The following DIP2B variants were observed in gnomAD, a reference collection of about 807,000 sequenced individuals.
DIP2B encodes disco-interacting protein 2 homolog B.
Under a neutral mutation model 198.0 loss-of-function variants are expected in DIP2B, and 76 were observed. The ratio of observed to expected loss-of-function variants is 0.38; its 90% CI spans 0.32 to 0.46. The LOEUF is 0.46. Ranked by LOEUF, DIP2B falls within the 20% of genes least tolerant of loss-of-function variation. The probability of loss-of-function intolerance (pLI) is 0.99; values close to 1 mark genes in which losing one functional copy is unlikely to be tolerated. For missense variants in DIP2B, 1,559 were observed against 1,978.4 expected (o/e 0.79, Z 4.02); for synonymous variants, 701 against 739.1 (o/e 0.95, Z 0.84).
At chr12:50,561,441 T>C (rs1331110830) in intron 1 of DIP2B, among the ~76,000 whole-genome samples, 1 of 152,112 alleles carries the variant, frequency 6.6e-6, no homozygotes, top group East Asian at 1.9e-4. Flanking sequence ...TTTTTTTTTT[T>C]AAGTGAGAGC....
chr12:50,728,719 A>G (rs778674741), intron 30 of DIP2B, 41 bp downstream of exon 30: 3 of 1,599,590 alleles, frequency 1.9e-6, no homozygotes, highest in Admixed American at 3.4e-5. Context: ...GTGTGGGGGT[A>G]TACTTTGTGG....
At chr12:50,560,925 AG>A (rs1958514822) in intron 1 of DIP2B, among the ~76,000 whole-genome samples, 1 of 152,360 alleles carries the variant, frequency 6.6e-6, no homozygotes, top group East Asian at 1.9e-4. Flanking sequence ...AACATGTTAA[AG>A]GCTTAGAGAA....
chr12:50,535,368 A>AT (rs35491499), intron 1 of DIP2B, among the ~76,000 whole-genome samples: 295 of 141,830 alleles, frequency 2.1e-3, no homozygotes, highest in African/African-American at 2.4e-3. Context: ...GAATCAGGAA[A>AT]TTTTTTTTTT....
Position 50,745,068 on chromosome 12 carries a change from G to A in DIP2B, c.*229G>A, listed in dbSNP as rs2139614034. ...AGACATGTGCTTTGACATAGCGTGA[G>A]CAGCACATTACTAAAGCAATTACAT... On this transcript the variant is annotated 3_prime_UTR_variant, in exon 38 of 38. Transcript: ENST00000301180. 3 of 566,200 alleles carry A rather than the reference G, an allele frequency of 5.3e-6. No homozygotes were observed. Among genetic ancestry groups the A allele is most frequent in the Non-Finnish European group, 9.2e-6 (3 of 325,026 alleles). 35.1% of individuals were successfully genotyped at this position (566,200 alleles called of 1,614,324 possible). A position where few individuals can be genotyped will look rare whatever the true frequency, so the allele number is the denominator to read the frequency against.
intron 12 of DIP2B, among the ~76,000 whole-genome samples, chr12:50,690,587 T>G (rs1189233226): frequency 1.3e-5 from 2 of 152,178 alleles, no homozygotes; most frequent in African/African-American, 2.4e-5. Flanking sequence ...ACATTAAGGG[T>G]AAAAGCAAAA....
At chr12:50,669,462 T>A (rs1380741086) in intron 4 of DIP2B, among the ~76,000 whole-genome samples, 1 of 152,118 alleles carries the variant, frequency 6.6e-6, no homozygotes, top group Non-Finnish European at 1.5e-5. Context: ...TCACTCTGCC[T>A]CCCAGGCTGG....
intron 1 of DIP2B, among the ~76,000 whole-genome samples, chr12:50,515,429 C>T (rs535145679): frequency 6.6e-6 from 1 of 152,130 alleles, no homozygotes; most frequent in South Asian, 2.1e-4. Context: ...TGGGGTTTCA[C>T]CATGTTGGTC....
chr12:50,563,284 T>G (rs1958535382), intron 1 of DIP2B, among the ~76,000 whole-genome samples: 1 of 152,088 alleles, frequency 6.6e-6, no homozygotes, highest in Non-Finnish European at 1.5e-5. Context: ...CCGCCTGGGC[T>G]CAAACGATTC....
intron 19 of DIP2B, among the ~76,000 whole-genome samples, chr12:50,699,761 G>T (rs891575770): frequency 6.6e-6 from 1 of 152,044 alleles, no homozygotes; most frequent in Non-Finnish European, 1.5e-5. Context: ...TACTCGAAAG[G>T]CTGAGGCAGG....
In DIP2B at chr12:50,746,977, A is replaced by T. The variant is rs764631438; in HGVS notation, c.*2138A>T. The stretch of plus-strand genomic sequence containing the variant: ...ATAATGAGAGCCACATCTGTAATTT[A>T]AATGTTTCTAGTAACCACATTTTTT... On this transcript the variant is annotated 3_prime_UTR_variant, in exon 38 of 38. Transcript: ENST00000301180. 17 of 152,234 alleles carry T rather than the reference A, an allele frequency of 1.1e-4. No individual in the cohort carries two copies. The highest frequency in any genetic ancestry group is 2.2e-4 in the Non-Finnish European group (15 of 68,036). The allele number at this position is 152,234 out of a possible 1,614,324, so 9.4% of individuals were successfully genotyped here. A position where few individuals can be genotyped will look rare whatever the true frequency, so the allele number is the denominator to read the frequency against.
At chr12:50,506,346 C>T (rs1957968468) in intron 1 of DIP2B, among the ~76,000 whole-genome samples, 1 of 152,170 alleles carries the variant, frequency 6.6e-6, no homozygotes, top group Non-Finnish European at 1.5e-5. Context: ...AAGAATGTGA[C>T]CAACTCCCAG....
intron 14 of DIP2B, among the ~76,000 whole-genome samples, chr12:50,694,004 C>A (rs573825004): frequency 1.3e-5 from 2 of 152,062 alleles, no homozygotes; most frequent in African/African-American, 4.8e-5. Flanking sequence ...AATTGCATGA[C>A]CCCTCAACAC....
intron 3 of DIP2B, among the ~76,000 whole-genome samples, chr12:50,650,977 T>A (rs1454986207): frequency 6.6e-6 from 1 of 152,242 alleles, no homozygotes; most frequent in Non-Finnish European, 1.5e-5. Flanking sequence ...ACGTATTTTC[T>A]GATTTTTTGA....
At chr12:50,516,242 T>G (rs1415996830) in intron 1 of DIP2B, among the ~76,000 whole-genome samples, 7 of 67,472 alleles carry the variant, frequency 1.0e-4, no homozygotes, top group Non-Finnish European at 2.0e-4. Context: ...TCTCTCTCTC[T>G]CTCTATCTCT....
chr12:50,597,120 A>G (rs924454334), intron 1 of DIP2B, among the ~76,000 whole-genome samples: 2 of 152,160 alleles, frequency 1.3e-5, no homozygotes, highest in Non-Finnish European at 2.9e-5. Context: ...CATTTATACC[A>G]AGGCACTCCA....
intron 30 of DIP2B, among the ~76,000 whole-genome samples, chr12:50,729,695 T>G (rs1306217555): frequency 6.6e-6 from 1 of 151,984 alleles, no homozygotes. Context: ...GATATGAGGA[T>G]CCATATTTCC....
At chr12:50,512,261 C>A (rs1958024826) in intron 1 of DIP2B, among the ~76,000 whole-genome samples, 1 of 151,804 alleles carries the variant, frequency 6.6e-6, no homozygotes, top group Non-Finnish European at 1.5e-5. Context: ...CTTGTGCCAC[C>A]ACGCCCGGCT....
rs1028392506 is a variant in DIP2B at position 50,556,593 on chromosome 12, G to A, written c.100+51353G>A. Among the ~76,000 whole-genome samples the A allele has an allele frequency of 3.4e-5, 5 of 147,598 alleles. No individual in the cohort carries two copies. In the East Asian group the frequency reaches 6.1e-4, roughly 18 times the overall value. On this transcript the variant is annotated intron_variant, in intron 1 of 37. Transcript: ENST00000301180. ...TTTTGAGATGGAGTCTCGCCCTGTCGCCCAGGCTGGAGTGCAGTGGCTCAC... is the reference window on the plus strand; with the variant it reads ...TTTTGAGATGGAGTCTCGCCCTGTCACCCAGGCTGGAGTGCAGTGGCTCAC...
chr12:50,599,044 C>T (rs1204818844), intron 1 of DIP2B, among the ~76,000 whole-genome samples: 1 of 141,268 alleles, frequency 7.1e-6, no homozygotes, highest in East Asian at 2.1e-4. Flanking sequence ...AATCCCAGCA[C>T]TCTGGGAGTC....
Sources: allele counts gnomAD v4.1 joint callset (sites outside exome capture counted in the v4.1 genomes callset), GRCh38; gene constraint gnomAD v4.1.1; transcripts MANE v1.5; gene names NCBI Gene and HGNC (gene_info 2026-07-23, HGNC 2026-07-21).